KCNH7: variants seen among roughly 807,000 people sequenced by gnomAD.
KCNH7 encodes potassium voltage-gated channel subfamily H member 7, also known as voltage-gated inwardly rectifying potassium channel KCNH7.
KCNH7 carries 49 observed loss-of-function variants against 120.8 expected under a neutral mutation model. The observed-to-expected ratio is 0.41, with a 90% confidence interval of 0.32 to 0.51. The LOEUF (loss-of-function observed/expected upper bound fraction) is 0.51, where lower values mean the gene tolerates loss of function less well. Among genes scored for constraint, KCNH7 ranks in the 20% least tolerant of loss-of-function variants. KCNH7 has a pLI of 0.38. For synonymous variants in KCNH7, 547 were observed against 516.1 expected (o/e 1.06, Z -0.81); for missense variants, 1,097 against 1,446.6 (o/e 0.76, Z 3.92).
intron 2 of KCNH7, chr2:162,795,851 C>A (rs1347317198): frequency 6.6e-6 from 1 of 152,008 alleles, no homozygotes; most frequent in Non-Finnish European, 1.5e-5. Context: ...ATAAACAAAT[C>A]TAGGAGAATA....
chr2:162,660,373 G>A (rs1684916377), intron 2 of KCNH7, among the ~76,000 whole-genome samples: 1 of 151,876 alleles, frequency 6.6e-6, no homozygotes, highest in African/African-American at 2.4e-5. Context: ...AAAATTTCTT[G>A]TTTGACCCAT....
intron 14 of KCNH7, among the ~76,000 whole-genome samples, chr2:162,377,699 C>T (rs1686257948): frequency 6.6e-6 from 1 of 152,082 alleles, no homozygotes; most frequent in Non-Finnish European, 1.5e-5. Context: ...CTCTTCCTGG[C>T]CCTCCCCAGC....
At chr2:162,644,066 T>C (rs1156259570) in intron 2 of KCNH7, among the ~76,000 whole-genome samples, 1 of 152,048 alleles carries the variant, frequency 6.6e-6, no homozygotes, top group Non-Finnish European at 1.5e-5. Flanking sequence ...GTTTCTTTCT[T>C]ACCTGCTTTT....
intron 5 of KCNH7, among the ~76,000 whole-genome samples, chr2:162,512,229 T>C (rs888892335): frequency 2.6e-5 from 4 of 151,802 alleles, no homozygotes; most frequent in African/African-American, 9.7e-5. Flanking sequence ...TGAAACTAGT[T>C]TTGAGGAAAC....
At chr2:162,758,430 T>C (rs1688859588) in intron 2 of KCNH7, among the ~76,000 whole-genome samples, 1 of 152,160 alleles carries the variant, frequency 6.6e-6, no homozygotes, top group African/African-American at 2.4e-5. Flanking sequence ...AGTTTGTATG[T>C]ATACATACAC....
intron 2 of KCNH7, among the ~76,000 whole-genome samples, chr2:162,722,813 C>CTTT (rs894023630): frequency 0.025 from 2,159 of 84,942 alleles, 96 homozygotes; most frequent in East Asian, 0.081. Flanking sequence ...TTCTTTTTTT[C>CTTT]TTTTTTTTTT....
intron 2 of KCNH7, among the ~76,000 whole-genome samples, chr2:162,545,113 C>T (rs1309559988): frequency 6.6e-6 from 1 of 152,092 alleles, no homozygotes; most frequent in Non-Finnish European, 1.5e-5. Flanking sequence ...ATTCATCTTT[C>T]CCTTGCATTA....
rs556403122 is a variant in KCNH7, at chr2:162,477,967, G to C, written c.1128+26476C>G. ...ACTTAGTCACTAGTGGGGCAAAATG[G>C]GTATGACACAAATAAGTACACAAAT... On this transcript the variant is annotated intron_variant, in intron 6 of 15. Coordinates refer to ENST00000332142, the MANE Select transcript of KCNH7 (RefSeq NM_033272.4). 9.0e-4 allele frequency among the ~76,000 whole-genome samples: 137 copies of C among 152,130 alleles called. 1 individual carries two copies. The highest frequency in any genetic ancestry group is 3.2e-3 in the African/African-American group (133 of 41,514).
intron 3 of KCNH7, among the ~76,000 whole-genome samples, chr2:162,533,400 G>C (rs527712293): frequency 1.1e-4 from 17 of 151,702 alleles, no homozygotes; most frequent in African/African-American, 4.1e-4. Context: ...ATAAAGAAAA[G>C]CTTCACATTG....
At chr2:162,748,189 C>A (rs1244676796) in intron 2 of KCNH7, among the ~76,000 whole-genome samples, 2 of 152,146 alleles carry the variant, frequency 1.3e-5, no homozygotes, top group East Asian at 3.9e-4. Context: ...TTGGGGAAAT[C>A]CTGTGGGGTA....
intron 2 of KCNH7, among the ~76,000 whole-genome samples, chr2:162,774,997 C>T (rs916032155): frequency 2.6e-5 from 4 of 152,032 alleles, no homozygotes; most frequent in Admixed American, 2.6e-4. Flanking sequence ...ATAAATAAAA[C>T]AGTGATGAGC....
chr2:162,489,720 A>G (rs1690226461), intron 6 of KCNH7, among the ~76,000 whole-genome samples: 1 of 152,204 alleles, frequency 6.6e-6, no homozygotes, highest in South Asian at 2.1e-4. Flanking sequence ...TTCCAGATAT[A>G]TTGTCATTTC....
chr2:162,611,149 C>A (rs1339809763), intron 2 of KCNH7, among the ~76,000 whole-genome samples: 6 of 152,120 alleles, frequency 3.9e-5, no homozygotes, highest in African/African-American at 1.4e-4. Flanking sequence ...ATGTGAGAGC[C>A]AGGGGGCCCA....
At chr2:162,700,268 C>A (rs2105341854) in intron 2 of KCNH7, among the ~76,000 whole-genome samples, 1 of 152,310 alleles carries the variant, frequency 6.6e-6, no homozygotes, top group African/African-American at 2.4e-5. Context: ...CTGAGTACCA[C>A]TGTAGGAAAA....
At chr2:162,739,467 T>G (rs1366503497) in intron 2 of KCNH7, among the ~76,000 whole-genome samples, 1 of 152,176 alleles carries the variant, frequency 6.6e-6, no homozygotes, top group African/African-American at 2.4e-5. Flanking sequence ...CTTTTCTACC[T>G]GCTGGTTTTG....
chr2:162,567,261 G>A (rs1693288074), intron 2 of KCNH7, among the ~76,000 whole-genome samples: 1 of 151,792 alleles, frequency 6.6e-6, no homozygotes. Context: ...AATTTACAAA[G>A]CATTAAGAAC....
At chr2:162,705,391 G>A (rs1686662213) in intron 2 of KCNH7, among the ~76,000 whole-genome samples, 1 of 152,004 alleles carries the variant, frequency 6.6e-6, no homozygotes, top group African/African-American at 2.4e-5. Flanking sequence ...TATTGCTAGG[G>A]TCCTACTCAG....
At position 162,519,658 on chromosome 2, in the gene KCNH7, TC is replaced by T. The variant is rs530489026; in HGVS notation, c.464-1501del. Among the ~76,000 whole-genome samples, 43 of 151,872 alleles carry T rather than the reference TC, an allele frequency of 2.8e-4. 1 individual carries two copies. The South Asian group carries it at 8.7e-3, about 31-fold the overall frequency. ...AAACAATAATCTGTAACCCAAAGCT[TC>T]TCTAAGTATGATTTACAAGAAAATG... is the stretch of plus-strand genomic sequence containing the variant. On this transcript the variant is annotated intron_variant, in intron 3 of 15. Coordinates refer to ENST00000332142, the MANE Select transcript of KCNH7 (RefSeq NM_033272.4).
At chr2:162,423,127 T>C in intron 9 of KCNH7, 1 of 999,382 alleles carries the variant, frequency 1.0e-6, no homozygotes, top group Non-Finnish European at 1.5e-6. Context: ...CATCATGTTA[T>C]AATGCCTTTG....
Sources: allele counts gnomAD v4.1 joint callset (sites outside exome capture counted in the v4.1 genomes callset), GRCh38; gene constraint gnomAD v4.1.1; transcripts MANE v1.5; gene names NCBI Gene and HGNC (gene_info 2026-07-23, HGNC 2026-07-21).